Variants in PIK3R1 observed in about 807,000 individuals in gnomAD.
PIK3R1 encodes phosphoinositide-3-kinase regulatory subunit 1.
PIK3R1 carries 29 observed loss-of-function variants against 98.0 expected under a neutral mutation model. The ratio of observed to expected loss-of-function variants is 0.30; its 90% CI spans 0.22 to 0.40. The LOEUF is 0.40. Among genes scored for constraint, PIK3R1 ranks in the 10% least tolerant of loss-of-function variants. The pLI, the probability that PIK3R1 is intolerant of heterozygous loss-of-function variation, is 1.00. For missense variants in PIK3R1, 596 were observed against 872.7 expected (o/e 0.68, Z 3.99); for synonymous variants, 282 against 311.8 (o/e 0.90, Z 1.01).
intron 2 of PIK3R1, among the ~76,000 whole-genome samples, chr5:68,256,145 C>A (rs1745506128): frequency 6.6e-6 from 1 of 152,224 alleles, no homozygotes; most frequent in African/African-American, 2.4e-5. Context: ...GGTTATTAAT[C>A]TGAGTCTTTC....
intron 10 of PIK3R1, 35 bp downstream of exon 10, chr5:68,293,518 G>C (rs759545475): frequency 6.7e-7 from 1 of 1,495,442 alleles, no homozygotes; most frequent in Non-Finnish European, 9.2e-7. Context: ...CAGTTACGAT[G>C]TTTAGACAAG....
At chr5:68,256,977 G>T (rs924457533) in intron 2 of PIK3R1, among the ~76,000 whole-genome samples, 1 of 152,104 alleles carries the variant, frequency 6.6e-6, no homozygotes, top group Non-Finnish European at 1.5e-5. Context: ...GCCACTCCAG[G>T]GAGAGGGAAG....
At position 68,298,124 on chromosome 5, in the gene PIK3R1, T is replaced by C. The variant is rs1255324079; in HGVS notation, c.*523T>C. The C allele has an allele frequency of 4.3e-6, 1 of 230,972 alleles. No individual in the cohort carries two copies. The highest frequency in any genetic ancestry group is 8.6e-6 in the Non-Finnish European group (1 of 116,484). The allele number at this position is 230,972 out of a possible 1,614,324, so 14.3% of individuals were successfully genotyped here. A position where few individuals can be genotyped will look rare whatever the true frequency, so the allele number is the denominator to read the frequency against. ...TTCATTTTGTAACAAATGAACGATA[T>C]GTAGCAGAAAGGCACGTCCACTCAC... On this transcript the variant is annotated 3_prime_UTR_variant, in exon 16 of 16. Transcript: ENST00000521381.
intron 2 of PIK3R1, among the ~76,000 whole-genome samples, chr5:68,250,561 G>A (rs984478733): frequency 6.6e-6 from 1 of 152,144 alleles, no homozygotes; most frequent in South Asian, 2.1e-4. Context: ...AAACATGCCC[G>A]TTTGCAGTCA....
intron 7 of PIK3R1, chr5:68,288,826 C>A (rs796300528): frequency 2.1e-6 from 3 of 1,432,978 alleles, no homozygotes; most frequent in African/African-American, 1.4e-5. Context: ...TCTTGGAGTA[C>A]GTGTGTGTGC....
At chr5:68,289,565 C>T (rs113195637) in intron 7 of PIK3R1, among the ~76,000 whole-genome samples, 2,046 of 151,122 alleles carry the variant, frequency 0.014, 41 homozygotes, top group African/African-American at 0.048. Context: ...AGAGCCCCTC[C>T]CCCCCCGCCA....
chr5:68,275,095 A>C (rs1746517307), intron 4 of PIK3R1, among the ~76,000 whole-genome samples: 1 of 152,234 alleles, frequency 6.6e-6, no homozygotes, highest in African/African-American at 2.4e-5. Flanking sequence ...TATCAGTATC[A>C]GTAAATTCTT....
At position 68,280,911 on chromosome 5, in the gene PIK3R1, A is replaced by G. The variant is rs1561289596; in HGVS notation, c.837-16A>G. 1 of 1,525,016 alleles carries G rather than the reference A, an allele frequency of 6.6e-7. No individual in the cohort carries two copies. Among genetic ancestry groups the G allele is most frequent in the Non-Finnish European group, 9.0e-7 (1 of 1,116,428 alleles). 94.5% of individuals were successfully genotyped at this position (1,525,016 alleles called of 1,614,324 possible). ...CTTTTAGGGAAAAGGTTTCTAATAA[A>G]CTCTCTTTCTTACAGCTCTGATAAT... On this transcript the variant is annotated splice_polypyrimidine_tract_variant and intron_variant, in intron 6 of 15. Coordinates refer to ENST00000521381, the MANE Select transcript of PIK3R1 (RefSeq NM_181523.3).
chr5:68,223,278 G>A (rs1355571514), intron 1 of PIK3R1, among the ~76,000 whole-genome samples: 1 of 152,028 alleles, frequency 6.6e-6, no homozygotes, highest in Non-Finnish European at 1.5e-5. Context: ...GTGCAAAAGA[G>A]TAGGGGTGGC....
At chr5:68,246,580 T>A (rs1348329170) in intron 2 of PIK3R1, among the ~76,000 whole-genome samples, 1 of 152,240 alleles carries the variant, frequency 6.6e-6, no homozygotes, top group Non-Finnish European at 1.5e-5. Context: ...CCCAAAGTGC[T>A]GGGATTACAG....
chr5:68,234,472 A>G (rs1349097738), intron 2 of PIK3R1, among the ~76,000 whole-genome samples: 3 of 152,192 alleles, frequency 2.0e-5, no homozygotes, highest in African/African-American at 7.2e-5. Context: ...ATTGTATGGG[A>G]TTATTGCTTA....
intron 12 of PIK3R1, among the ~76,000 whole-genome samples, 160 bp from the exon 13 acceptor site, chr5:68,294,988 A>G (rs1157668660): frequency 5.6e-5 from 8 of 143,194 alleles, no homozygotes; most frequent in Non-Finnish European, 1.1e-4. Context: ...ATAAAATAAA[A>G]TATGTTGAGC....
rs557483360 is a variant in PIK3R1 at position 68,244,774 on chromosome 5, A to G, written c.334+17765A>G. 2.2e-4 allele frequency among the ~76,000 whole-genome samples: 34 copies of G among 152,252 alleles called. 1 individual carries two copies. In the South Asian group the frequency reaches 6.0e-3, roughly 27 times the overall value. On this transcript the variant is annotated intron_variant, in intron 2 of 15. Transcript: ENST00000521381. ...AAAAATGCACTTGTTTGAACTTCTC[A>G]GATCTAATGTGACTCTGTGGGACTA... is the stretch of plus-strand genomic sequence containing the variant.
At chr5:68,244,552 C>T (rs1745010253) in intron 2 of PIK3R1, among the ~76,000 whole-genome samples, 1 of 119,508 alleles carries the variant, frequency 8.4e-6, no homozygotes, top group Non-Finnish European at 1.6e-5. Flanking sequence ...GAGAGCTTTT[C>T]TCTTTCTTTC....
chr5:68,293,062 A>G (rs1244167388), intron 8 of PIK3R1, 39 bp from the exon 9 acceptor site: 1 of 1,503,680 alleles, frequency 6.7e-7, no homozygotes, highest in Non-Finnish European at 9.2e-7. Flanking sequence ...TGTGGTCACT[A>G]AACCTTAAGA....
intron 1 of PIK3R1, among the ~76,000 whole-genome samples, chr5:68,218,336 A>C (rs748877859): frequency 6.6e-6 from 1 of 152,244 alleles, no homozygotes; most frequent in East Asian, 1.9e-4. Flanking sequence ...TACTGTTAAA[A>C]GTTTTGGCCA....
Position 68,299,527 on chromosome 5 carries a change from T to G in PIK3R1, c.*1926T>G. ...ATTTAGATATGCAAAAGCTGGTATG[T>G]TCAGTAGGAACTGTACATGTGTTGG... On this transcript the variant is annotated 3_prime_UTR_variant, in exon 16 of 16. Coordinates refer to ENST00000521381, the MANE Select transcript of PIK3R1 (RefSeq NM_181523.3). The G allele has an allele frequency of 4.3e-6, 1 of 233,286 alleles. No individual in the cohort carries two copies. Among genetic ancestry groups the G allele is most frequent in the Non-Finnish European group, 8.5e-6 (1 of 118,042 alleles). The allele number at this position is 233,286 out of a possible 1,614,324, so 14.5% of individuals were successfully genotyped here.
intron 2 of PIK3R1, among the ~76,000 whole-genome samples, chr5:68,256,741 A>G (rs893893631): frequency 1.3e-5 from 2 of 152,084 alleles, no homozygotes; most frequent in African/African-American, 4.8e-5. Context: ...ATAATGGAGA[A>G]CAAAAAATAA....
intron 2 of PIK3R1, among the ~76,000 whole-genome samples, chr5:68,232,181 A>C (rs1334004230): frequency 6.6e-6 from 1 of 152,234 alleles, no homozygotes. Context: ...AGAATATGTC[A>C]TTTGCATATT....
Sources: allele counts gnomAD v4.1 joint callset (sites outside exome capture counted in the v4.1 genomes callset), GRCh38; gene constraint gnomAD v4.1.1; transcripts MANE v1.5; gene names NCBI Gene and HGNC (gene_info 2026-07-23, HGNC 2026-07-21).